Variants in DAW1 observed in about 807,000 individuals in gnomAD.
DAW1 encodes dynein assembly factor with WD repeats 1, also known as dynein assembly factor with WD repeat domains 1.
A neutral mutation model predicts 56.5 loss-of-function variants in DAW1; 47 were observed. The observed-to-expected ratio is 0.83, with a 90% CI of 0.66 to 1.06. The LOEUF is 1.06. Among genes scored for constraint, DAW1 ranks in the 50% least tolerant of loss-of-function variants. The pLI is 0.00. For synonymous variants in DAW1, 190 were observed against 179.0 expected, an observed-to-expected ratio of 1.06 and a Z score of -0.49; for missense variants, 505 against 499.3, an observed-to-expected ratio of 1.01 and a Z score of -0.11.
At chr2:227,923,745 GA>G (rs76897409) in intron 12 of DAW1, among the ~76,000 whole-genome samples, 188 bp from the exon 13 acceptor site, 9,240 of 143,768 alleles carry the variant, frequency 0.064, 297 homozygotes, top group Middle Eastern at 0.099. Flanking sequence ...CTGGTATCGT[GA>G]AAAAAAAAAA....
intron 11 of DAW1, among the ~76,000 whole-genome samples, chr2:227,919,910 C>A (rs975179030): frequency 2.6e-5 from 4 of 152,226 alleles, no homozygotes; most frequent in African/African-American, 9.6e-5. Flanking sequence ...GTACTCTCGG[C>A]CTTTCTGCTT....
At chr2:227,888,982 T>C (rs1398711003) in intron 2 of DAW1, among the ~76,000 whole-genome samples, 4 of 152,182 alleles carry the variant, frequency 2.6e-5, no homozygotes, top group African/African-American at 9.6e-5. Context: ...TTTTCTCTTT[T>C]CCTAAAAATA....
intron 1 of DAW1, among the ~76,000 whole-genome samples, chr2:227,872,690 C>G (rs1381124269): frequency 7.2e-6 from 1 of 138,140 alleles, no homozygotes; most frequent in Non-Finnish European, 1.6e-5. Flanking sequence ...CTGCCTCCCC[C>G]ACCCCCCCAA....
At chr2:227,904,650 A>G (rs1691634408) in intron 7 of DAW1, among the ~76,000 whole-genome samples, 1 of 152,130 alleles carries the variant, frequency 6.6e-6, no homozygotes, top group African/African-American at 2.4e-5. Context: ...AATCAATATT[A>G]TTAAGTTAAA....
intron 1 of DAW1, among the ~76,000 whole-genome samples, chr2:227,875,289 C>T (rs1235473755): frequency 6.6e-6 from 1 of 152,212 alleles, no homozygotes. Flanking sequence ...AGCTTCCTTC[C>T]ACCCTTGCCC....
At chr2:227,872,203 C>T (rs1690767584) in intron 1 of DAW1, 1 of 143,968 alleles carries the variant, frequency 6.9e-6, no homozygotes, top group Non-Finnish European at 1.5e-5. Flanking sequence ...CACCCAGCTT[C>T]TTAGGGACAG....
chr2:227,897,677 C>T (rs1691443977), intron 5 of DAW1, among the ~76,000 whole-genome samples: 1 of 152,192 alleles, frequency 6.6e-6, no homozygotes, highest in South Asian at 2.1e-4. Context: ...CCTTTCTAAA[C>T]CCTCTTACAA....
chr2:227,918,932 C>A, intron 11 of DAW1, 76 bp downstream of exon 11: 2 of 1,379,248 alleles, frequency 1.5e-6, no homozygotes, highest in Non-Finnish European at 2.0e-6. Flanking sequence ...CAGTGCCTCA[C>A]ACCTATAATC....
At position 227,871,653 on chromosome 2, in the gene DAW1, T is replaced by C; in HGVS notation, c.-37T>C. 6.2e-7 allele frequency: 1 copy of C among 1,609,268 alleles called. No individual in the cohort carries two copies. The highest frequency in any genetic ancestry group is 8.5e-7 in the Non-Finnish European group (1 of 1,177,788). On this transcript the variant is annotated 5_prime_UTR_variant, in exon 1 of 13. Transcript: ENST00000309931. ...GCTGCTGTTTAGCCGTTTCCAAGGC[T>C]ACGAAGCCCATCGGCCGGGGATAAG...
At chr2:227,875,791 G>A (rs1439936223) in intron 1 of DAW1, among the ~76,000 whole-genome samples, 2 of 151,992 alleles carry the variant, frequency 1.3e-5, no homozygotes, top group Non-Finnish European at 2.9e-5. Context: ...TCTTTCCCAC[G>A]AGAATAAAAG....
chr2:227,920,688 T>G (rs1446292921), intron 11 of DAW1, among the ~76,000 whole-genome samples: 2 of 151,944 alleles, frequency 1.3e-5, no homozygotes, highest in Admixed American at 1.3e-4. Flanking sequence ...TTTTTATTAT[T>G]TTTTTTGAGA....
Position 227,909,440 on chromosome 2 carries a change from G to A in DAW1, c.973+2188G>A, listed in dbSNP as rs537538061. On this transcript the variant is annotated intron_variant, in intron 10 of 12. Transcript: ENST00000309931. Reference sequence around the variant, plus strand: ...TAGTATATATAGTATATAACCAATAGTATATAAATACACACACACATATAT... The same window carrying A: ...TAGTATATATAGTATATAACCAATAATATATAAATACACACACACATATAT... Among the ~76,000 whole-genome samples the A allele has an allele frequency of 2.7e-5, 4 of 148,554 alleles. No homozygotes were observed. In the East Asian group the frequency reaches 7.8e-4, roughly 29 times the overall value.
intron 1 of DAW1, among the ~76,000 whole-genome samples, chr2:227,874,155 C>T (rs1027766436): frequency 2.0e-4 from 31 of 152,156 alleles, no homozygotes; most frequent in African/African-American, 7.2e-4. Flanking sequence ...TTGCTTTCAT[C>T]TCTTTGTTGT....
intron 5 of DAW1, among the ~76,000 whole-genome samples, chr2:227,896,593 A>AGTGTGTGTGTGTGT (rs5839240): frequency 1.1e-4 from 16 of 143,672 alleles, no homozygotes; most frequent in East Asian, 1.0e-3. Context: ...AATAAGAGGG[A>AGTGTGTGTGTGTGT]GTGTGTGTGT....
intron 1 of DAW1, among the ~76,000 whole-genome samples, chr2:227,875,732 G>T (rs1033992010): frequency 1.3e-5 from 2 of 151,890 alleles, no homozygotes; most frequent in Non-Finnish European, 2.9e-5. Flanking sequence ...TTCTCCTTGG[G>T]GCTATCTTAA....
At chr2:227,875,638 A>G (rs1340645215) in intron 1 of DAW1, among the ~76,000 whole-genome samples, 1 of 152,226 alleles carries the variant, frequency 6.6e-6, no homozygotes, top group South Asian at 2.1e-4. Context: ...AAAATTGTGT[A>G]AAGTGAAGAC....
intron 7 of DAW1, 110 bp from the exon 8 acceptor site, chr2:227,904,819 G>A (rs567680671): frequency 3.7e-5 from 37 of 1,008,594 alleles, no homozygotes; most frequent in African/African-American, 2.0e-4. Context: ...GCTGACCTCC[G>A]TTCCTAGAGC....
At chr2:227,906,070 G>C (rs1691672640) in intron 8 of DAW1, among the ~76,000 whole-genome samples, 166 bp from the exon 9 acceptor site, 1 of 152,116 alleles carries the variant, frequency 6.6e-6, no homozygotes, top group Non-Finnish European at 1.5e-5. Flanking sequence ...GAAATTATTG[G>C]TAGCTTCTTT....
At chr2:227,872,000 C>T (rs1243560348) in intron 1 of DAW1, 1 of 528,010 alleles carries the variant, frequency 1.9e-6, no homozygotes, top group Non-Finnish European at 3.4e-6. Flanking sequence ...ACTGCGTACA[C>T]GCTTTGTGCT....
Sources: allele counts gnomAD v4.1 joint callset (sites outside exome capture counted in the v4.1 genomes callset), GRCh38; gene constraint gnomAD v4.1.1; transcripts MANE v1.5; gene names NCBI Gene and HGNC (gene_info 2026-07-23, HGNC 2026-07-21).